Variants in CHAF1B observed in about 807,000 individuals in gnomAD.
CHAF1B encodes chromatin assembly factor 1 subunit B, also known as CAF-1 subunit B.
In CHAF1B, 10 loss-of-function variants were observed where a neutral mutation model predicts 60.7. The ratio of observed to expected loss-of-function variants is 0.16; its 90% confidence interval spans 0.10 to 0.28. The LOEUF is 0.28. Ranked by LOEUF, CHAF1B falls within the 10% of genes least tolerant of loss-of-function variation. CHAF1B has a pLI of 1.00. For missense variants in CHAF1B, 558 were observed against 708.4 expected (o/e 0.79, Z 2.41); for synonymous variants, 261 against 266.1 (o/e 0.98, Z 0.19).
Position 36,411,596 on chromosome 21 carries a change from C to T in CHAF1B, c.1053C>T (p.Asp351=). 1 of 1,613,982 alleles carries T rather than the reference C, an allele frequency of 6.2e-7. No homozygotes were observed. The highest frequency in any genetic ancestry group is 8.5e-7 in the Non-Finnish European group (1 of 1,179,970). ...ATATACATTACCACACCCTCAGTGA[C>T]ATTTCATGGTGAGTGGCTGCTAATG... is the stretch of plus-strand genomic sequence containing the variant. The part of the protein sequence containing the change: ...VSNIHYHTLS[D]ISWSSDGAFL... Residue 351 remains aspartate (D), a synonymous_variant, in exon 11 of 14, where the codon GAC becomes GAT. Transcript: ENST00000314103.
rs1161278380 is a variant in CHAF1B at position 36,401,745 on chromosome 21, CTTGT to C, written c.664-1003_664-1000del. ...TCCTTGTGTTCTTAAGAATTAAATG[CTTGT>C]TTGTTTGTTGAGACAGTGTCTGGCT... On this transcript the variant is annotated intron_variant, in intron 7 of 13. Transcript: ENST00000314103. Among the ~76,000 whole-genome samples, 3 of 147,848 alleles carry C rather than the reference CTTGT, an allele frequency of 2.0e-5. 1 individual carries two copies. The highest frequency in any genetic ancestry group is 4.2e-4 in the South Asian group (2 of 4,732).
intron 8 of CHAF1B, among the ~76,000 whole-genome samples, chr21:36,408,103 A>G (rs1406033322): frequency 6.6e-6 from 1 of 152,220 alleles, no homozygotes; most frequent in Non-Finnish European, 1.5e-5. Flanking sequence ...ACGTGTGTGT[A>G]TATGTATCAA....
rs1240457204 is a variant in CHAF1B, at chr21:36,411,485, C to T, written c.942C>T (p.Pro314=). The T allele has an allele frequency of 8.1e-6, 13 of 1,614,040 alleles. No homozygotes were observed. The South Asian group carries it at 1.4e-4, about 18-fold the overall frequency. Residue 314 remains proline, a synonymous_variant, in exon 11 of 14, where the codon CCC becomes CCT. Coordinates refer to ENST00000314103, the MANE Select transcript of CHAF1B (RefSeq NM_005441.3). Reference sequence around the variant, plus strand: ...CAGGTGTGGAGCTGATGAGTCTGCCCTACCGCCTGGTGTTTGCTGTGGCCT... The same window carrying T: ...CAGGTGTGGAGCTGATGAGTCTGCCTTACCGCCTGGTGTTTGCTGTGGCCT... ...VETGVELMSL[P]YRLVFAVASE... is the part of the protein sequence containing the mutation.
chr21:36,414,251 C>A (rs764977362), intron 12 of CHAF1B, among the ~76,000 whole-genome samples: 6 of 152,274 alleles, frequency 3.9e-5, no homozygotes, highest in Non-Finnish European at 8.8e-5. Flanking sequence ...AACTGAGTCA[C>A]GAGGAGAGCT....
chr21:36,390,333 C>CA (rs1555911920), intron 3 of CHAF1B, among the ~76,000 whole-genome samples: 15,613 of 81,506 alleles, frequency 0.19, 1,365 homozygotes, highest in African/African-American at 0.3. Flanking sequence ...AACACCATCT[C>CA]AAAAAAAAAA....
intron 7 of CHAF1B, among the ~76,000 whole-genome samples, chr21:36,401,863 C>G (rs1334210288): frequency 4.6e-5 from 7 of 151,800 alleles, no homozygotes. Flanking sequence ...GCCTCAGCCT[C>G]CCGAGAAGCT....
intron 8 of CHAF1B, among the ~76,000 whole-genome samples, chr21:36,403,264 C>A (rs1040200972): frequency 1.3e-5 from 2 of 151,626 alleles, no homozygotes; most frequent in African/African-American, 4.8e-5. Flanking sequence ...TCATGACCAG[C>A]CTGGCCAACA....
intron 7 of CHAF1B, among the ~76,000 whole-genome samples, chr21:36,401,965 T>G (rs1279443507): frequency 6.6e-6 from 1 of 152,098 alleles, no homozygotes; most frequent in African/African-American, 2.4e-5. Context: ...GGTCTCGTAC[T>G]CCTGGACTCA....
intron 6 of CHAF1B, 106 bp from the exon 7 acceptor site, chr21:36,399,415 G>C (rs2086168563): frequency 1.1e-6 from 1 of 896,038 alleles, no homozygotes; most frequent in African/African-American, 1.7e-5. Flanking sequence ...AGCTTTTGCA[G>C]GCTGAAAACT....
Position 36,391,585 on chromosome 21 carries a change from C to G in CHAF1B, c.294C>G (p.Asn98Lys). 1 of 1,612,982 alleles carries G rather than the reference C, an allele frequency of 6.2e-7. No individual in the cohort carries two copies. The highest frequency in any genetic ancestry group is 8.5e-7 in the Non-Finnish European group (1 of 1,179,330). Reference protein sequence around the residue: ...AVILLWKVNDNKEPEQIAFQD... With the variant: ...AVILLWKVNDKKEPEQIAFQD... ...TCCTATTGTGGAAGGTGAATGATAA[C>G]AAGGAGCCGGAGCAGATCGCTTTTC... The change falls in exon 4 of 14, where the codon AAC (asparagine) becomes AAG (lysine). Residue 98 changes from asparagine (N) to lysine (K), a missense_variant. By Grantham distance (94) the Asn-to-Lys change is moderately conservative (BLOSUM62 0). Coordinates refer to ENST00000314103, the MANE Select transcript of CHAF1B (RefSeq NM_005441.3).
At chr21:36,391,812 C>CAG in intron 4 of CHAF1B, 144 bp downstream of exon 4, 4 of 490,046 alleles carry the variant, frequency 8.2e-6, no homozygotes, top group South Asian at 5.7e-5. Flanking sequence ...GATCACAGTA[C>CAG]CCTGCAGCCT....
intron 3 of CHAF1B, among the ~76,000 whole-genome samples, chr21:36,390,202 G>A (rs1435751383): frequency 6.6e-6 from 1 of 151,898 alleles, no homozygotes; most frequent in Admixed American, 6.6e-5. Context: ...GTGTGGTGGT[G>A]CATACCTGTA....
At chr21:36,399,395 C>G in intron 6 of CHAF1B, 126 bp from the exon 7 acceptor site, 4 of 747,232 alleles carry the variant, frequency 5.4e-6, no homozygotes, top group Middle Eastern at 2.4e-4. Context: ...TTGTGAATAT[C>G]ATTGGTAAAA....
intron 8 of CHAF1B, among the ~76,000 whole-genome samples, chr21:36,403,061 G>A: frequency 6.6e-6 from 1 of 152,132 alleles, no homozygotes; most frequent in East Asian, 1.9e-4. Context: ...ATTGGTCTGG[G>A]TGGCCTGGCT....
At chr21:36,395,270 T>C (rs1451838820) in intron 5 of CHAF1B, among the ~76,000 whole-genome samples, 2 of 147,856 alleles carry the variant, frequency 1.4e-5, no homozygotes, top group East Asian at 4.1e-4. Context: ...CTGGTCTCTA[T>C]CTCTTGACCT....
At chr21:36,408,014 TTAA>T (rs771653029) in intron 8 of CHAF1B, among the ~76,000 whole-genome samples, 3 of 151,976 alleles carry the variant, frequency 2.0e-5, no homozygotes, top group African/African-American at 7.3e-5. Context: ...GTAGAATGTA[TTAA>T]TAATAATAAT....
At chr21:36,404,888 C>T (rs886262333) in intron 8 of CHAF1B, among the ~76,000 whole-genome samples, 4 of 151,632 alleles carry the variant, frequency 2.6e-5, no homozygotes, top group Non-Finnish European at 5.9e-5. Flanking sequence ...AGATTACAGG[C>T]GCCTGCCACC....
intron 4 of CHAF1B, among the ~76,000 whole-genome samples, chr21:36,393,941 G>T (rs748107004): frequency 3.3e-5 from 5 of 150,622 alleles, no homozygotes; most frequent in Admixed American, 6.6e-5. Context: ...ACTCTGTTGC[G>T]CAGGCTGGAG....
Position 36,397,476 on chromosome 21 carries a change from T to G in CHAF1B, c.543T>G (p.Pro181=), listed in dbSNP as rs145372971. ...ATGTCCAAGGAGTAACCTGGGACCC[T>G]TTGGGTCAATATGTTGCTACTCTGA... ...KSYVQGVTWD[P]LGQYVATLSC... Residue 181 remains proline, a synonymous_variant, in exon 6 of 14, where the codon CCT becomes CCG. Coordinates refer to ENST00000314103, the MANE Select transcript of CHAF1B (RefSeq NM_005441.3). 3 of 1,567,136 alleles carry G rather than the reference T, an allele frequency of 1.9e-6. No homozygotes were observed. In the African/African-American group the frequency reaches 4.1e-5, roughly 21 times the overall value.
Sources: gnomAD v4.1 joint callset for allele counts (sites outside exome capture counted in the v4.1 genomes callset) on GRCh38, gnomAD v4.1.1 for gene constraint, MANE v1.5 for transcripts, NCBI Gene and HGNC (gene_info 2026-07-23, HGNC 2026-07-21) for gene names.